DYNC1LI1: variants seen among roughly 807,000 people sequenced by gnomAD.
DYNC1LI1 encodes the protein cytoplasmic dynein 1 light intermediate chain 1.
A neutral mutation model predicts 63.8 loss-of-function variants in DYNC1LI1; 19 were observed. That is an observed-to-expected ratio of 0.30 (90% confidence interval 0.21 to 0.44). The LOEUF (loss-of-function observed/expected upper bound fraction) is 0.44. DYNC1LI1 is among the 20% of genes least tolerant of loss of function. The pLI, the probability that DYNC1LI1 is intolerant of heterozygous loss-of-function variation, is 1.00. For missense variants in DYNC1LI1, 565 were observed against 630.2 expected (o/e 0.90, Z 1.11); for synonymous variants, 225 against 232.3 (o/e 0.97, Z 0.28).
At chr3:32,542,858 G>A (rs1438552763) in intron 4 of DYNC1LI1, among the ~76,000 whole-genome samples, 1 of 152,232 alleles carries the variant, frequency 6.6e-6, no homozygotes, top group East Asian at 1.9e-4. Flanking sequence ...ATGGGGTCAA[G>A]GAATAGGGAA....
At chr3:32,538,229 C>A (rs1027561490) in intron 5 of DYNC1LI1, among the ~76,000 whole-genome samples, 2 of 144,160 alleles carry the variant, frequency 1.4e-5, no homozygotes, top group African/African-American at 5.1e-5. Flanking sequence ...AAACTCTCCA[C>A]AAAAATGAAA....
intron 12 of DYNC1LI1, among the ~76,000 whole-genome samples, chr3:32,527,302 TA>T (rs1159034146): frequency 6.6e-6 from 1 of 151,872 alleles, no homozygotes; most frequent in Non-Finnish European, 1.5e-5. Context: ...GTCTAAAAAA[TA>T]AAAATAATAT....
At chr3:32,567,600 G>A (rs1205226248) in intron 2 of DYNC1LI1, among the ~76,000 whole-genome samples, 7 of 151,026 alleles carry the variant, frequency 4.6e-5, no homozygotes, top group Admixed American at 1.3e-4. Context: ...GTGCAATGGC[G>A]TAATCTCAGC....
At chr3:32,559,159 A>G (rs1169128648) in intron 2 of DYNC1LI1, among the ~76,000 whole-genome samples, 1 of 151,700 alleles carries the variant, frequency 6.6e-6, no homozygotes, top group African/African-American at 2.4e-5. Context: ...AGTAACTTGC[A>G]CTACAGGTGT....
At chr3:32,533,524 G>A (rs1312089398) in intron 7 of DYNC1LI1, among the ~76,000 whole-genome samples, 2 of 151,468 alleles carry the variant, frequency 1.3e-5, no homozygotes, top group Admixed American at 6.6e-5. Flanking sequence ...TAACTTGGGG[G>A]AAGGGGGCAG....
chr3:32,537,016 A>C lies in DYNC1LI1; in HGVS notation c.827T>G (p.Leu276Ter), dbSNP rs1697783197. ...AAATGTATTTAAAAGGATACACTGT[A>C]AACAAAACTTCCGGATATGTGACTG... ...FIQSHIRKFC[L>*]QYGAALIYTS... is the part of the protein sequence containing the mutation. The change falls in exon 6 of 13, where the codon TTA becomes TGA. Residue 276 changes from leucine to a stop codon, truncating the protein, a stop_gained. Coordinates refer to ENST00000273130, the MANE Select transcript of DYNC1LI1 (RefSeq NM_016141.4). LOFTEE classifies it high-confidence loss of function. 1 of 1,571,026 alleles carries C rather than the reference A, an allele frequency of 6.4e-7. No individual in the cohort carries two copies. Among genetic ancestry groups the C allele is most frequent in the Non-Finnish European group, 8.7e-7 (1 of 1,149,984 alleles).
chr3:32,538,644 T>C (rs56817543), intron 5 of DYNC1LI1, among the ~76,000 whole-genome samples: 2,136 of 151,908 alleles, frequency 0.014, 43 homozygotes, highest in African/African-American at 0.049. Flanking sequence ...GAGCTCGCTG[T>C]GAGCCAAGAT....
At chr3:32,567,724 G>C (rs545277656) in intron 2 of DYNC1LI1, among the ~76,000 whole-genome samples, 1 of 132,478 alleles carries the variant, frequency 7.5e-6, no homozygotes, top group Non-Finnish European at 1.6e-5. Context: ...TTTTTTTTGA[G>C]ACAGAGTCTC....
chr3:32,536,441 T>G (rs1334623305), intron 6 of DYNC1LI1, among the ~76,000 whole-genome samples: 1 of 152,160 alleles, frequency 6.6e-6, no homozygotes, highest in Admixed American at 6.5e-5. Context: ...GCTGTAATTA[T>G]TACTCACTGG....
At chr3:32,534,461 A>T in intron 7 of DYNC1LI1, 50 bp downstream of exon 7, 1 of 1,343,374 alleles carries the variant, frequency 7.4e-7, no homozygotes, top group Non-Finnish European at 1.0e-6. Context: ...TTCACCATCA[A>T]ATAGTAGCAA....
intron 6 of DYNC1LI1, among the ~76,000 whole-genome samples, chr3:32,536,090 G>A (rs1697770325): frequency 6.6e-6 from 1 of 152,166 alleles, no homozygotes; most frequent in African/African-American, 2.4e-5. Context: ...GGCCCATAAA[G>A]AGAAAGAACT....
At chr3:32,547,450 GTCT>G (rs1273214047) in intron 2 of DYNC1LI1, among the ~76,000 whole-genome samples, 1 of 151,972 alleles carries the variant, frequency 6.6e-6, no homozygotes, top group Non-Finnish European at 1.5e-5. Context: ...TTTAAAAATT[GTCT>G]TCATTTCCAT....
chr3:32,559,518 C>T (rs928897899), intron 2 of DYNC1LI1, among the ~76,000 whole-genome samples: 1 of 152,020 alleles, frequency 6.6e-6, no homozygotes, highest in Non-Finnish European at 1.5e-5. Flanking sequence ...AGATTATAGG[C>T]GTGTGCCACC....
intron 2 of DYNC1LI1, among the ~76,000 whole-genome samples, chr3:32,554,568 T>C (rs1698087287): frequency 6.6e-6 from 1 of 152,162 alleles, no homozygotes; most frequent in South Asian, 2.1e-4. Flanking sequence ...GTCACAAAGA[T>C]TGGTGGTAGC....
In DYNC1LI1 at chr3:32,547,437, G is replaced by C. The variant is rs894605485; in HGVS notation, c.221-1472C>G. ...TCCTGAAGATCTATGAGTTCTCTAAGAATTTAAAAATTGTCTTCATTTCCA... is the reference window on the plus strand; with the variant it reads ...TCCTGAAGATCTATGAGTTCTCTAACAATTTAAAAATTGTCTTCATTTCCA... On this transcript the variant is annotated intron_variant, in intron 2 of 12. Transcript: ENST00000273130. Among the ~76,000 whole-genome samples the C allele has an allele frequency of 2.0e-5, 3 of 152,154 alleles. No homozygotes were observed. In the South Asian group the frequency reaches 6.2e-4, roughly 32 times the overall value.
chr3:32,558,430 AG>A (rs1698145776), intron 2 of DYNC1LI1, among the ~76,000 whole-genome samples: 1 of 151,568 alleles, frequency 6.6e-6, no homozygotes, highest in Non-Finnish European at 1.5e-5. Context: ...AAAAAAGAAA[AG>A]AAAAAGAAAA....
At chr3:32,530,350 A>C in intron 9 of DYNC1LI1, 22 bp from the exon 10 acceptor site, 1 of 1,581,574 alleles carries the variant, frequency 6.3e-7, no homozygotes, top group Non-Finnish European at 8.6e-7. Context: ...AAAAAAAAAG[A>C]ATCCTAGTTT....
chr3:32,537,963 T>TTTATATATA (rs1697807880), intron 5 of DYNC1LI1, among the ~76,000 whole-genome samples: 1 of 2,758 alleles, frequency 3.6e-4, no homozygotes, highest in Non-Finnish European at 6.5e-4. Flanking sequence ...ATATATATAA[T>TTTATATATA]ATATATATAT....
At chr3:32,539,820 C>A (rs1176520950) in intron 5 of DYNC1LI1, among the ~76,000 whole-genome samples, 1 of 151,542 alleles carries the variant, frequency 6.6e-6, no homozygotes, top group African/African-American at 2.4e-5. Context: ...CAGGCGTGAG[C>A]CACCACGCCC....
Sources: gnomAD v4.1 joint callset for allele counts (sites outside exome capture counted in the v4.1 genomes callset) on GRCh38, gnomAD v4.1.1 for gene constraint, MANE v1.5 for transcripts, NCBI Gene and HGNC (gene_info 2026-07-23, HGNC 2026-07-21) for gene names.